Variants in PTGFRN observed in about 807,000 individuals in gnomAD.
PTGFRN encodes the protein prostaglandin F2 receptor negative regulator.
In PTGFRN, 35 loss-of-function variants were observed where a neutral mutation model predicts 83.2. The observed-to-expected ratio is 0.42, with a 90% confidence interval of 0.32 to 0.56. The LOEUF (loss-of-function observed/expected upper bound fraction) is 0.56. PTGFRN is among the 20% of genes least tolerant of loss of function. PTGFRN has a pLI of 0.11. For synonymous variants in PTGFRN, 519 were observed against 498.6 expected, an observed-to-expected ratio of 1.04 and a Z score of -0.55; for missense variants, 1,051 against 1,179.5, an observed-to-expected ratio of 0.89 and a Z score of 1.60.
intron 6 of PTGFRN, among the ~76,000 whole-genome samples, chr1:116,968,823 C>A (rs1165450217): frequency 6.6e-6 from 1 of 152,050 alleles, no homozygotes; most frequent in African/African-American, 2.4e-5. Flanking sequence ...TTGTGACTTG[C>A]TTTTTTTCAC....
At chr1:116,964,083 C>CT (rs1320161556) in intron 5 of PTGFRN, among the ~76,000 whole-genome samples, 2 of 151,866 alleles carry the variant, frequency 1.3e-5, no homozygotes, top group African/African-American at 4.8e-5. Context: ...CCGGGCGCCC[C>CT]CCCTTTTTTA....
At chr1:116,982,762 G>C (rs771611868) in intron 7 of PTGFRN, among the ~76,000 whole-genome samples, 2 of 152,212 alleles carry the variant, frequency 1.3e-5, no homozygotes, top group African/African-American at 2.4e-5. Context: ...GGGCTTTTCT[G>C]TCCCTTCACT....
At chr1:116,924,292 G>A (rs1290600780) in intron 1 of PTGFRN, among the ~76,000 whole-genome samples, 3 of 142,752 alleles carry the variant, frequency 2.1e-5, no homozygotes, top group African/African-American at 3.0e-5. Flanking sequence ...GATTACAGGC[G>A]CCTGCCACCA....
chr1:116,924,243 G>C (rs893282468), intron 1 of PTGFRN, among the ~76,000 whole-genome samples: 6 of 150,376 alleles, frequency 4.0e-5, no homozygotes, highest in Non-Finnish European at 5.9e-5. Context: ...CGCCTCCCAG[G>C]TTCAAGCAGT....
chr1:116,922,686 C>T (rs1001557105), intron 1 of PTGFRN, among the ~76,000 whole-genome samples: 1 of 152,106 alleles, frequency 6.6e-6, no homozygotes, highest in Non-Finnish European at 1.5e-5. Context: ...GACTTTGGGT[C>T]ATTAGAAAAC....
At chr1:116,982,609 G>A (rs991204994) in intron 7 of PTGFRN, among the ~76,000 whole-genome samples, 4 of 152,076 alleles carry the variant, frequency 2.6e-5, no homozygotes, top group African/African-American at 9.7e-5. Context: ...GTTCTCAGGA[G>A]AACACTGAGG....
At chr1:116,970,554 G>T (rs1650967482) in intron 6 of PTGFRN, among the ~76,000 whole-genome samples, 1 of 152,160 alleles carries the variant, frequency 6.6e-6, no homozygotes, top group Non-Finnish European at 1.5e-5. Flanking sequence ...GTGAGGAATG[G>T]ATGTTGAGTC....
Position 116,966,993 on chromosome 1 carries a change from T to C in PTGFRN, c.1722T>C (p.Ser574=). ...CATTTGAGATGACTTGCAAAGTATCTTCCAAGAATATTAAGTCGCCACGCT... is the reference window on the plus strand; with the variant it reads ...CATTTGAGATGACTTGCAAAGTATCCTCCAAGAATATTAAGTCGCCACGCT... ...GNTFEMTCKV[S]SKNIKSPRYS... The change falls in exon 6 of 9, where the codon TCT becomes TCC. Residue 574 remains serine, a synonymous_variant. Coordinates refer to ENST00000393203, the MANE Select transcript of PTGFRN (RefSeq NM_020440.4). The C allele has an allele frequency of 6.2e-7, 1 of 1,614,154 alleles. No homozygotes were observed.
At chr1:116,934,187 C>T (rs1039380209) in intron 1 of PTGFRN, among the ~76,000 whole-genome samples, 1 of 151,966 alleles carries the variant, frequency 6.6e-6, no homozygotes, top group African/African-American at 2.4e-5. Flanking sequence ...ACTGTGTTGC[C>T]CAGGCAGGAG....
At chr1:116,976,768 C>T (rs547764553) in intron 7 of PTGFRN, among the ~76,000 whole-genome samples, 4 of 152,344 alleles carry the variant, frequency 2.6e-5, no homozygotes, top group South Asian at 2.1e-4. Context: ...ACTGCAAAAA[C>T]ATGCCAAATT....
At chr1:116,910,359 G>A in intron 1 of PTGFRN, 107 bp downstream of exon 1, 3 of 1,052,852 alleles carry the variant, frequency 2.8e-6, no homozygotes, top group South Asian at 4.7e-5. Context: ...GGGTGCCCGG[G>A]CTGCTCCCGG....
intron 1 of PTGFRN, 68 bp downstream of exon 1, chr1:116,910,320 C>A (rs980300345): frequency 2.0e-5 from 25 of 1,226,440 alleles, no homozygotes; most frequent in Admixed American, 4.3e-5. Flanking sequence ...CGGCGGGGCG[C>A]GGCTGCAGCG....
chr1:116,961,287 T>A lies in PTGFRN; in HGVS notation c.1258T>A (p.Phe420Ile). 6.5e-7 allele frequency: 1 copy of A among 1,535,562 alleles called. No individual in the cohort carries two copies. The highest frequency in any genetic ancestry group is 2.3e-5 in the East Asian group (1 of 44,204). Residue 420 changes from phenylalanine (F) to isoleucine (I), a missense_variant, in exon 5 of 9, where the codon TTT becomes ATT. Around this residue, in one of 3 missense-constraint regions of PTGFRN, gnomAD observed 719 missense variants for 836.6 expected, o/e 0.86. Coordinates refer to ENST00000393203, the MANE Select transcript of PTGFRN (RefSeq NM_020440.4). This position sits in a 1 kb window ranked among gnomAD's most constrained non-coding sequence, Gnocchi z 5.4. ...CCTGAATGCTTCCAAGGTCCCCGGGTTTGCGGATGACCCCACAGAGCTGGC... is the reference window on the plus strand; with the variant it reads ...CCTGAATGCTTCCAAGGTCCCCGGGATTGCGGATGACCCCACAGAGCTGGC... The part of the protein sequence containing the change: ...VYLNASKVPG[F>I]ADDPTELACR...
rs564076334 is a variant in PTGFRN at position 116,952,636 on chromosome 1, CA to C, written c.1213+3073del. ...CCTCTGAAGTTCTGAAGAGTTGAGACAAAAAAAAAGATGTGATTATACAGTT... is the reference window on the plus strand; with the variant it reads ...CCTCTGAAGTTCTGAAGAGTTGAGACAAAAAAAAGATGTGATTATACAGTT... On this transcript the variant is annotated intron_variant, in intron 4 of 8. Coordinates refer to ENST00000393203, the MANE Select transcript of PTGFRN (RefSeq NM_020440.4). This position sits in a 1 kb window ranked among gnomAD's most constrained non-coding sequence, Gnocchi z 4.0. Among the ~76,000 whole-genome samples, 5 of 150,180 alleles carry C rather than the reference CA, an allele frequency of 3.3e-5. No individual in the cohort carries two copies. The highest frequency in any genetic ancestry group is 7.4e-5 in the Non-Finnish European group (5 of 67,474).
At chr1:116,959,043 G>T (rs1443524648) in intron 4 of PTGFRN, among the ~76,000 whole-genome samples, 1 of 152,206 alleles carries the variant, frequency 6.6e-6, no homozygotes, top group East Asian at 1.9e-4. Flanking sequence ...TAGTTGTCCT[G>T]CTCTGCACCC....
rs1480336616 is a variant in PTGFRN, at chr1:116,958,632, A to C, written c.1214-2611A>C. 6.6e-6 allele frequency among the ~76,000 whole-genome samples: 1 copy of C among 152,186 alleles called. No homozygotes were observed. The highest frequency in any genetic ancestry group is 1.5e-5 in the Non-Finnish European group (1 of 68,016). ...GCACCAGTCTAGGCATTTTAAGTAC[A>C]GTATATTTTAACTCTTAACCCTCAC... On this transcript the variant is annotated intron_variant, in intron 4 of 8. Coordinates refer to ENST00000393203, the MANE Select transcript of PTGFRN (RefSeq NM_020440.4). This position sits in a 1 kb window ranked among gnomAD's most constrained non-coding sequence, Gnocchi z 4.9.
intron 1 of PTGFRN, among the ~76,000 whole-genome samples, chr1:116,914,590 A>G (rs1279845905): frequency 1.3e-5 from 2 of 152,034 alleles, no homozygotes; most frequent in Non-Finnish European, 2.9e-5. Flanking sequence ...CATCTCTACT[A>G]AAAAATAAGA....
chr1:116,979,784 G>A (rs1331080845), intron 7 of PTGFRN, among the ~76,000 whole-genome samples: 1 of 152,120 alleles, frequency 6.6e-6, no homozygotes, highest in African/African-American at 2.4e-5. Context: ...GAAAACCTAG[G>A]CAGTACCATT....
At chr1:116,939,656 T>C (rs945482698) in intron 1 of PTGFRN, among the ~76,000 whole-genome samples, 2 of 152,266 alleles carry the variant, frequency 1.3e-5, no homozygotes, top group African/African-American at 4.8e-5. Context: ...TCATTACTTA[T>C]TGCAGATTTC....
Sources: allele counts gnomAD v4.1 joint callset (sites outside exome capture counted in the v4.1 genomes callset), GRCh38; gene constraint gnomAD v4.1.1; regional missense constraint gnomAD v4.1.1; non-coding constraint Gnocchi (gnomAD v3.1); transcripts MANE v1.5; gene names NCBI Gene and HGNC (gene_info 2026-07-23, HGNC 2026-07-21).